Variants in L3MBTL3 observed in about 807,000 individuals in gnomAD.
L3MBTL3 encodes the protein lethal(3)malignant brain tumor-like protein 3.
Under a neutral mutation model 102.3 loss-of-function variants are expected in L3MBTL3, and 27 were observed. The ratio of observed to expected loss-of-function variants is 0.26; its 90% CI spans 0.19 to 0.36. L3MBTL3 has a LOEUF of 0.36. Ranked by LOEUF, L3MBTL3 falls within the 10% of genes least tolerant of loss-of-function variation. The pLI, the probability that L3MBTL3 is intolerant of heterozygous loss-of-function variation, is 1.00. For synonymous variants in L3MBTL3, 340 were observed against 320.9 expected, an observed-to-expected ratio of 1.06 and a Z score of -0.64; for missense variants, 798 against 955.3, an observed-to-expected ratio of 0.84 and a Z score of 2.17.
chr6:130,133,343 A>T lies in L3MBTL3; in HGVS notation c.1967-109A>T. ...CAATAGTATAATGCTGAAAGGAACC[A>T]ATGCTTTAACCACTCCCACCTCCAG... On this transcript the variant is annotated intron_variant, in intron 20 of 22. Transcript: ENST00000361794. The surrounding 1 kb of genome is among the most constrained non-coding windows in gnomAD (Gnocchi z 4.9). 2.0e-6 allele frequency: 2 copies of T among 1,010,898 alleles called. No individual in the cohort carries two copies. The highest frequency in any genetic ancestry group is 1.5e-5 in the South Asian group (1 of 65,830). 62.6% of individuals were successfully genotyped at this position (1,010,898 alleles called of 1,614,324 possible). A position where few individuals can be genotyped will look rare whatever the true frequency, so the allele number is the denominator to read the frequency against.
intron 11 of L3MBTL3, among the ~76,000 whole-genome samples, chr6:130,067,991 T>G (rs973065964): frequency 6.6e-6 from 1 of 152,212 alleles, no homozygotes; most frequent in African/African-American, 2.4e-5. Flanking sequence ...AATAAAGAAT[T>G]TTGACTATTG....
intron 2 of L3MBTL3, among the ~76,000 whole-genome samples, chr6:130,041,947 A>T (rs1229574007): frequency 6.6e-6 from 1 of 152,230 alleles, no homozygotes; most frequent in East Asian, 1.9e-4. Flanking sequence ...AAAACTAGAA[A>T]ATACACATAT....
intron 19 of L3MBTL3, among the ~76,000 whole-genome samples, chr6:130,115,522 A>G (rs1785613959): frequency 2.6e-5 from 4 of 152,246 alleles, no homozygotes; most frequent in Admixed American, 2.6e-4. Flanking sequence ...TTATATGACA[A>G]ACAGACTTGA....
At chr6:130,134,441 T>G (rs537613945) in intron 22 of L3MBTL3, among the ~76,000 whole-genome samples, 11 of 152,336 alleles carry the variant, frequency 7.2e-5, no homozygotes, top group African/African-American at 1.9e-4. Context: ...ATTATTTTAT[T>G]AGTTGTTTTC....
intron 19 of L3MBTL3, among the ~76,000 whole-genome samples, chr6:130,119,230 A>G (rs1021426413): frequency 5.3e-5 from 8 of 152,122 alleles, no homozygotes; most frequent in Admixed American, 6.6e-5. Context: ...AATTTGCTTT[A>G]TTTGGGAAAT....
intron 14 of L3MBTL3, among the ~76,000 whole-genome samples, chr6:130,082,046 A>C (rs887192759): frequency 2.6e-5 from 4 of 152,192 alleles, no homozygotes; most frequent in Admixed American, 2.0e-4. Context: ...CAGGAATATC[A>C]TAGACATAGT....
intron 11 of L3MBTL3, 56 bp downstream of exon 11, chr6:130,066,544 T>A: frequency 6.9e-7 from 1 of 1,451,274 alleles, no homozygotes; most frequent in Non-Finnish European, 9.5e-7. Context: ...TTTTCTTACA[T>A]GCTACATTAG....
At chr6:130,068,795 G>A (rs4364506) in intron 12 of L3MBTL3, among the ~76,000 whole-genome samples, 38,216 of 152,020 alleles carry the variant, frequency 0.25, 5,234 homozygotes, top group African/African-American at 0.32. Context: ...CAGTTTACAT[G>A]TAGGAGGTCA....
intron 1 of L3MBTL3, among the ~76,000 whole-genome samples, chr6:130,019,994 CGGCGGCGGCGGCCGCGCCGG>C (rs1234245093): frequency 6.3e-5 from 5 of 79,678 alleles, no homozygotes; most frequent in African/African-American, 9.7e-5. Context: ...GCGGCGGTCG[CGGCGGCGGCGGCCGCGCCGG>C]GGCGGCGGGC....
At chr6:130,138,323 G>A (rs1210997595) in intron 22 of L3MBTL3, 1 of 152,212 alleles carries the variant, frequency 6.6e-6, no homozygotes, top group Admixed American at 6.5e-5. Context: ...AGAATCTGAA[G>A]AAGGCTAGAA....
intron 1 of L3MBTL3, chr6:130,020,562 T>C (rs2114395612): frequency 1.5e-5 from 2 of 130,184 alleles, no homozygotes; most frequent in Admixed American, 1.6e-4. Flanking sequence ...CGCGGAGGGC[T>C]GGGGGCGTCG....
chr6:130,090,407 T>G (rs1319602863), intron 16 of L3MBTL3, among the ~76,000 whole-genome samples: 1 of 152,212 alleles, frequency 6.6e-6, no homozygotes. Context: ...AATATCTCAG[T>G]AGTTAACACT....
chr6:130,085,618 A>G (rs1783634829), intron 15 of L3MBTL3, among the ~76,000 whole-genome samples: 1 of 151,914 alleles, frequency 6.6e-6, no homozygotes, highest in Admixed American at 6.6e-5. Flanking sequence ...GTTCAGAGCT[A>G]CTCTGGAAAG....
intron 9 of L3MBTL3, among the ~76,000 whole-genome samples, 193 bp downstream of exon 9, chr6:130,057,690 T>A (rs1584341188): frequency 6.6e-6 from 1 of 152,180 alleles, no homozygotes; most frequent in East Asian, 1.9e-4. Context: ...ATGTGCCATG[T>A]GTGGGTGCAC....
chr6:130,037,221 C>G (rs1780118501), intron 2 of L3MBTL3, among the ~76,000 whole-genome samples: 1 of 151,986 alleles, frequency 6.6e-6, no homozygotes, highest in African/African-American at 2.4e-5. Flanking sequence ...ACTGTAATAA[C>G]CAGGATAGTC....
At chr6:130,031,553 A>T (rs1779726478) in intron 2 of L3MBTL3, among the ~76,000 whole-genome samples, 1 of 152,214 alleles carries the variant, frequency 6.6e-6, no homozygotes, top group Admixed American at 6.5e-5. Context: ...TTATCAGGGG[A>T]CATGAATAAA....
chr6:130,111,990 C>A (rs1432976545), intron 19 of L3MBTL3, among the ~76,000 whole-genome samples: 1 of 152,190 alleles, frequency 6.6e-6, no homozygotes, highest in Non-Finnish European at 1.5e-5. Flanking sequence ...ATGCTTCAGC[C>A]ACCCTGTCCT....
intron 2 of L3MBTL3, among the ~76,000 whole-genome samples, chr6:130,026,606 G>A (rs1322579289): frequency 6.6e-6 from 1 of 151,268 alleles, no homozygotes; most frequent in East Asian, 1.9e-4. Context: ...TTAAAACCAA[G>A]AATTGAGAAA....
intron 2 of L3MBTL3, among the ~76,000 whole-genome samples, chr6:130,029,489 T>C (rs1779567598): frequency 1.3e-5 from 2 of 152,134 alleles, no homozygotes; most frequent in African/African-American, 4.8e-5. Flanking sequence ...TTCTCAGAAA[T>C]TACGTCCTTT....
Sources: gnomAD v4.1 joint callset for allele counts (sites outside exome capture counted in the v4.1 genomes callset) on GRCh38, gnomAD v4.1.1 for gene constraint, Gnocchi (gnomAD v3.1) non-coding constraint, MANE v1.5 for transcripts, NCBI Gene and HGNC (gene_info 2026-07-23, HGNC 2026-07-21) for gene names.